MTCL3: variants seen among roughly 807,000 people sequenced by gnomAD.
MTCL3 encodes the protein MTCL family member 3.
chr6:127,490,041 G>T, the MTCL3 span, among the ~76,000 whole-genome samples: 1 of 152,140 alleles, frequency 6.6e-6, no homozygotes, highest in Non-Finnish European at 1.5e-5. Flanking sequence ...TTCTTGTTGG[G>T]TGCCAAAATA....
At chr6:127,492,647 A>G in the MTCL3 span, among the ~76,000 whole-genome samples, 13 of 151,972 alleles carry the variant, frequency 8.6e-5, no homozygotes, top group African/African-American at 2.9e-4. Context: ...CAGCCTCCCT[A>G]GTAACTGGGA....
At chr6:127,517,200 G>A in the MTCL3 span, among the ~76,000 whole-genome samples, 1 of 152,198 alleles carries the variant, frequency 6.6e-6, no homozygotes, top group Non-Finnish European at 1.5e-5. Flanking sequence ...GGGTTATGAT[G>A]TAGGGTTCCT....
the MTCL3 span, among the ~76,000 whole-genome samples, chr6:127,491,382 G>A: frequency 6.6e-6 from 1 of 152,178 alleles, no homozygotes; most frequent in African/African-American, 2.4e-5. Context: ...ACCCTGATCA[G>A]TCAGCAGCCA....
the MTCL3 span, among the ~76,000 whole-genome samples, chr6:127,504,169 T>C: frequency 6.6e-6 from 1 of 152,138 alleles, no homozygotes. Context: ...GGTACTGAAC[T>C]AGATGCTGAG....
At chr6:127,508,030 T>A in the MTCL3 span, among the ~76,000 whole-genome samples, 1 of 152,098 alleles carries the variant, frequency 6.6e-6, no homozygotes, top group Non-Finnish European at 1.5e-5. Context: ...AATAATAATG[T>A]GTAATTGATG....
the MTCL3 span, among the ~76,000 whole-genome samples, chr6:127,491,878 CAAAAAAAAAAAAA>C: frequency 3.3e-5 from 2 of 60,774 alleles, no homozygotes; most frequent in African/African-American, 5.2e-5. Context: ...GACCCTGTCT[CAAAAAAAAAAAAA>C]AAAAAAAAAA....
At chr6:127,474,520 T>C in the MTCL3 span, among the ~76,000 whole-genome samples, 3 of 152,082 alleles carry the variant, frequency 2.0e-5, no homozygotes, top group Non-Finnish European at 4.4e-5. Context: ...TCCTGCCCTC[T>C]TTGGCCTCTG....
the MTCL3 span, among the ~76,000 whole-genome samples, chr6:127,513,920 A>G: frequency 2.6e-5 from 4 of 152,264 alleles, no homozygotes; most frequent in Non-Finnish European, 5.9e-5. Flanking sequence ...CTTAGTACAT[A>G]CTAAGCACTC....
At chr6:127,512,700 G>A in the MTCL3 span, among the ~76,000 whole-genome samples, 3 of 152,148 alleles carry the variant, frequency 2.0e-5, no homozygotes, top group South Asian at 2.1e-4. Flanking sequence ...GTTAGATACC[G>A]TGTTTAGGTC....
the MTCL3 span, among the ~76,000 whole-genome samples, chr6:127,485,066 C>T: frequency 6.6e-6 from 1 of 152,164 alleles, no homozygotes; most frequent in Non-Finnish European, 1.5e-5. Flanking sequence ...CTAAAGTTTG[C>T]AAATGTCTAA....
At chr6:127,509,267 C>T in the MTCL3 span, among the ~76,000 whole-genome samples, 1 of 152,140 alleles carries the variant, frequency 6.6e-6, no homozygotes, top group Admixed American at 6.5e-5. Context: ...AGCTAATTAC[C>T]TCTATCCTGC....
At chr6:127,480,181 G>A in the MTCL3 span, among the ~76,000 whole-genome samples, 1 of 152,186 alleles carries the variant, frequency 6.6e-6, no homozygotes, top group Non-Finnish European at 1.5e-5. Context: ...GCCACTACTA[G>A]AAACTAAATT....
At chr6:127,504,896 C>G in the MTCL3 span, among the ~76,000 whole-genome samples, 2 of 152,148 alleles carry the variant, frequency 1.3e-5, no homozygotes, top group African/African-American at 4.8e-5. Context: ...GCGGTGAGAG[C>G]CTGGCAGCCT....
the MTCL3 span, among the ~76,000 whole-genome samples, chr6:127,509,574 AT>A: frequency 6.6e-6 from 1 of 152,324 alleles, no homozygotes; most frequent in African/African-American, 2.4e-5. Context: ...ACTTTACTCT[AT>A]AACTAGTGTC....
At chr6:127,511,534 T>A in the MTCL3 span, among the ~76,000 whole-genome samples, 7 of 152,116 alleles carry the variant, frequency 4.6e-5, no homozygotes, top group Admixed American at 3.9e-4. Flanking sequence ...TTGAGAATCA[T>A]CAAAAACAAT....
the MTCL3 span, among the ~76,000 whole-genome samples, chr6:127,482,224 G>A: frequency 6.6e-6 from 1 of 151,964 alleles, no homozygotes; most frequent in African/African-American, 2.4e-5. This position sits in a 1 kb window ranked among gnomAD's most constrained non-coding sequence, Gnocchi z 4.1. Context: ...CACGAGATCC[G>A]AGAACCCTCT....
At chr6:127,515,755 C>T in the MTCL3 span, 1 of 1,600,744 alleles carries the variant, frequency 6.2e-7, no homozygotes, top group East Asian at 2.2e-5. The surrounding 1 kb of genome is among the most constrained non-coding windows in gnomAD (Gnocchi z 4.3). Flanking sequence ...GCTGCGGCTA[C>T]TGCTGCCGCC....
chr6:127,475,731 G>A, the MTCL3 span: 1 of 1,593,116 alleles, frequency 6.3e-7, no homozygotes, highest in African/African-American at 1.3e-5. The surrounding 1 kb of genome is among the most constrained non-coding windows in gnomAD (Gnocchi z 7.3). Context: ...GAGGCCGCGA[G>A]TCGTCGTCGC....
the MTCL3 span, among the ~76,000 whole-genome samples, chr6:127,512,115 C>G: frequency 6.6e-6 from 1 of 152,110 alleles, no homozygotes; most frequent in Admixed American, 6.6e-5. Context: ...TAAAGCTAAT[C>G]ATTTCTTGAT....
Sources: gnomAD v4.1 joint callset for allele counts (sites outside exome capture counted in the v4.1 genomes callset) on GRCh38, gnomAD v4.1.1 for gene constraint, Gnocchi (gnomAD v3.1) non-coding constraint, MANE v1.5 for transcripts, NCBI Gene and HGNC (gene_info 2026-07-23, HGNC 2026-07-21) for gene names.